The following CDC73 variants were observed in gnomAD, a reference collection of about 807,000 sequenced individuals.
CDC73 encodes the protein cell division cycle 73.
In CDC73, 21 loss-of-function variants were observed where a neutral mutation model predicts 83.7. The ratio of observed to expected loss-of-function variants is 0.25; its 90% CI spans 0.18 to 0.36. The LOEUF is 0.36. CDC73 is among the 10% of genes least tolerant of loss of function. The pLI, the probability that CDC73 is intolerant of heterozygous loss-of-function variation, is 1.00. For synonymous variants in CDC73, 224 were observed against 212.9 expected (o/e 1.05, Z -0.45); for missense variants, 342 against 653.3 (o/e 0.52, Z 5.19).
chr1:193,208,902 C>T (rs971993941), intron 11 of CDC73, among the ~76,000 whole-genome samples: 2 of 152,162 alleles, frequency 1.3e-5, no homozygotes, highest in African/African-American at 4.8e-5. Context: ...GGCTTGTTTT[C>T]ATCTTTCAAA....
Position 193,233,139 on chromosome 1 carries a change from T to C in CDC73, c.1301T>C (p.Leu434Pro). 1 of 1,612,722 alleles carries C rather than the reference T, an allele frequency of 6.2e-7. No homozygotes were observed. The highest frequency in any genetic ancestry group is 8.5e-7 in the Non-Finnish European group (1 of 1,178,894). The change falls in exon 14 of 17, where the codon CTT becomes CCT. Residue 434 changes from leucine (L) to proline (P), a missense_variant. Physicochemically the swap from Leu to Pro is moderately conservative, Grantham distance 98. Coordinates refer to ENST00000367435, the MANE Select transcript of CDC73 (RefSeq NM_024529.5). The stretch of plus-strand genomic sequence containing the variant: ...AGAGTAGTAGACCAGCCCCTTAAAC[T>C]TATGCCTCAAGACTGGTAAGATAGT... ...PYRVVDQPLK[L>P]MPQDWDRVVA...
At chr1:193,123,773 G>A (rs910292880) in intron 1 of CDC73, among the ~76,000 whole-genome samples, 1 of 152,074 alleles carries the variant, frequency 6.6e-6, no homozygotes, top group African/African-American at 2.4e-5. Context: ...CCTCAAAGGA[G>A]GTTAACTTAG....
Position 193,233,101 on chromosome 1 carries a change from T to C in CDC73, c.1263T>C (p.Val421=). 6.2e-7 allele frequency: 1 copy of C among 1,613,668 alleles called. No homozygotes were observed. ...AACCAGGGGGCACTGCAATTAGTGT[T>C]ACAGTACCTTATAGAGTAGTAGACC... ...QMQPGGTAIS[V]TVPYRVVDQP... The change falls in exon 14 of 17, where the codon GTT becomes GTC. Residue 421 remains valine (V), a synonymous_variant. Transcript: ENST00000367435.
At chr1:193,221,843 A>T (rs1677476249) in intron 13 of CDC73, among the ~76,000 whole-genome samples, 3 of 152,158 alleles carry the variant, frequency 2.0e-5, no homozygotes, top group Non-Finnish European at 1.5e-5. Flanking sequence ...TCTCCCCTAC[A>T]GTTTGAGTCA....
intron 1 of CDC73, among the ~76,000 whole-genome samples, chr1:193,123,165 C>G (rs1324228355): frequency 6.6e-6 from 1 of 152,048 alleles, no homozygotes; most frequent in African/African-American, 2.4e-5. Context: ...CATTTTGTTT[C>G]TTTGAATGGA....
intron 11 of CDC73, 56 bp from the exon 12 acceptor site, chr1:193,212,009 A>G: frequency 7.4e-7 from 1 of 1,349,838 alleles, no homozygotes; most frequent in Non-Finnish European, 1.0e-6. Flanking sequence ...TGTAAGTTTG[A>G]AAATAAGAAT....
chr1:193,125,857 G>A (rs1675561720), intron 2 of CDC73, among the ~76,000 whole-genome samples: 1 of 151,902 alleles, frequency 6.6e-6, no homozygotes. Context: ...TTGTATGAGT[G>A]TCTCCAGGAG....
At chr1:193,177,527 C>CT (rs1259449944) in intron 10 of CDC73, among the ~76,000 whole-genome samples, 57 of 124,510 alleles carry the variant, frequency 4.6e-4, no homozygotes, top group Non-Finnish European at 6.2e-4. Flanking sequence ...AAGACTCTGT[C>CT]TAAAAAAAAA....
intron 8 of CDC73, among the ~76,000 whole-genome samples, chr1:193,148,994 C>T (rs1178122949): frequency 6.6e-6 from 1 of 152,066 alleles, no homozygotes; most frequent in Admixed American, 6.5e-5. Flanking sequence ...GCCTTTGCAA[C>T]TACTTTGTAG....
intron 11 of CDC73, among the ~76,000 whole-genome samples, chr1:193,206,264 G>A (rs1371402784): frequency 6.6e-6 from 1 of 152,096 alleles, no homozygotes; most frequent in South Asian, 2.1e-4. Flanking sequence ...GTGCCCTGGG[G>A]ATTAAACCAA....
At chr1:193,190,796 C>T (rs1271185081) in intron 10 of CDC73, among the ~76,000 whole-genome samples, 1 of 152,188 alleles carries the variant, frequency 6.6e-6, no homozygotes, top group East Asian at 1.9e-4. Flanking sequence ...TGAGGCACAG[C>T]TGTTTCAGTC....
At chr1:193,169,261 GATGCTGGGTATGGTGGCTCACACCTGTA>G (rs1410146069) in intron 10 of CDC73, among the ~76,000 whole-genome samples, 1 of 152,142 alleles carries the variant, frequency 6.6e-6, no homozygotes, top group African/African-American at 2.4e-5. Context: ...TTGTGAGAAT[GATGCTGGGTATGGTGGCTCACACCTGTA>G]ATCCTAGCAC....
At chr1:193,245,269 C>A (rs1192494717) in intron 15 of CDC73, among the ~76,000 whole-genome samples, 1 of 152,134 alleles carries the variant, frequency 6.6e-6, no homozygotes, top group African/African-American at 2.4e-5. Context: ...TCTCTGTATT[C>A]CCCCTACCCC....
At chr1:193,206,293 A>G (rs1677187922) in intron 11 of CDC73, among the ~76,000 whole-genome samples, 1 of 152,178 alleles carries the variant, frequency 6.6e-6, no homozygotes, top group African/African-American at 2.4e-5. Flanking sequence ...ACTCTGAATG[A>G]GTGTCTCATC....
At chr1:193,130,607 A>G (rs903669091) in intron 3 of CDC73, among the ~76,000 whole-genome samples, 12 of 152,182 alleles carry the variant, frequency 7.9e-5, no homozygotes, top group Non-Finnish European at 1.5e-5. Flanking sequence ...CCTACTGTCT[A>G]CTGCTTCATT....
At chr1:193,225,669 C>A (rs991970467) in intron 13 of CDC73, among the ~76,000 whole-genome samples, 5 of 152,010 alleles carry the variant, frequency 3.3e-5, no homozygotes, top group Non-Finnish European at 5.9e-5. Flanking sequence ...TGATGTTGAG[C>A]ATTTTTTTCA....
intron 14 of CDC73, 50 bp downstream of exon 14, chr1:193,233,204 G>A: frequency 6.6e-7 from 1 of 1,505,950 alleles, no homozygotes; most frequent in Non-Finnish European, 9.2e-7. Context: ...GAACCCAAGA[G>A]AATGAATGTT....
intron 13 of CDC73, among the ~76,000 whole-genome samples, chr1:193,215,205 T>G (rs1440179163): frequency 6.6e-6 from 1 of 152,236 alleles, no homozygotes; most frequent in Non-Finnish European, 1.5e-5. Flanking sequence ...TTTATCTAGC[T>G]TCTCTCAAAT....
chr1:193,163,053 C>T (rs1012334650), intron 10 of CDC73, among the ~76,000 whole-genome samples: 1 of 152,024 alleles, frequency 6.6e-6, no homozygotes, highest in Non-Finnish European at 1.5e-5. Context: ...TTCACAATAT[C>T]CTTAGGAATT....
Sources: allele counts gnomAD v4.1 joint callset (sites outside exome capture counted in the v4.1 genomes callset), GRCh38; gene constraint gnomAD v4.1.1; transcripts MANE v1.5; gene names NCBI Gene and HGNC (gene_info 2026-07-23, HGNC 2026-07-21).